The following KIF27 variants were observed in gnomAD, a reference collection of about 807,000 sequenced individuals.
KIF27 encodes kinesin-like protein KIF27.
In KIF27, 84 loss-of-function variants were observed where a neutral mutation model predicts 141.8. The observed-to-expected ratio is 0.59, with a 90% CI of 0.50 to 0.71. The LOEUF (loss-of-function observed/expected upper bound fraction) is 0.71, where lower values mean the gene tolerates loss of function less well. KIF27 is among the 30% of genes least tolerant of loss of function. The probability of loss-of-function intolerance (pLI) is 0.00; values close to 1 mark genes in which losing one functional copy is unlikely to be tolerated. For synonymous variants in KIF27, 471 were observed against 569.5 expected (o/e 0.83, Z 2.46); for missense variants, 1,306 against 1,628.4 (o/e 0.80, Z 3.41).
At chr9:83,879,707 G>T (rs1951520342) in intron 11 of KIF27, among the ~76,000 whole-genome samples, 2 of 152,076 alleles carry the variant, frequency 1.3e-5, no homozygotes, top group South Asian at 2.1e-4. Context: ...TAAAATTTTT[G>T]AGAAATTTGA....
intron 15 of KIF27, among the ~76,000 whole-genome samples, chr9:83,851,101 G>C (rs1164518516): frequency 5.3e-5 from 8 of 151,920 alleles, no homozygotes; most frequent in Non-Finnish European, 1.2e-4. Context: ...CTCCCAAAGT[G>C]CTGGGATTAC....
At chr9:83,907,096 C>G (rs540729743) in intron 3 of KIF27, among the ~76,000 whole-genome samples, 3 of 151,848 alleles carry the variant, frequency 2.0e-5, no homozygotes, top group African/African-American at 7.2e-5. Flanking sequence ...CAAGACAATC[C>G]TGGCTAACAC....
chr9:83,838,084 A>T (rs1234021107), intron 17 of KIF27, among the ~76,000 whole-genome samples: 1 of 152,220 alleles, frequency 6.6e-6, no homozygotes, highest in African/African-American at 2.4e-5. Flanking sequence ...TCAAAGCTAG[A>T]GGTTCTTAAA....
chr9:83,896,986 A>G lies in KIF27; in HGVS notation c.1602+2675T>C, dbSNP rs12237056. On this transcript the variant is annotated intron_variant, in intron 5 of 17. Coordinates refer to ENST00000297814, the MANE Select transcript of KIF27 (RefSeq NM_017576.4). ...ATTTTCATTTTGGGTTGATAAAAAT[A>G]TTCTAAAATTAGATGGTGTGATGGT... Among the ~76,000 whole-genome samples, 1,211 of 152,298 alleles carry G rather than the reference A, an allele frequency of 8.0e-3. 31 individuals are homozygous for G. The highest frequency in any genetic ancestry group is 0.037 in the East Asian group (191 of 5,188).
At chr9:83,916,952 C>T (rs1374810176) in intron 1 of KIF27, among the ~76,000 whole-genome samples, 5 of 151,814 alleles carry the variant, frequency 3.3e-5, no homozygotes, top group Admixed American at 2.0e-4. Context: ...CGTGAGCCAC[C>T]GCGCACGACA....
Position 83,903,138 on chromosome 9 carries a change from G to T in KIF27, c.1380C>A (p.Ile460=), listed in dbSNP as rs375423464. ...RKAVLTSFRG[I]GGTASLEEGP... ...CTTCTTCCAGACTTGCAGTGCCTCCGATTCCTCGAAATGAGGTGAGGACAG... is the reference window on the plus strand; with the variant it reads ...CTTCTTCCAGACTTGCAGTGCCTCCTATTCCTCGAAATGAGGTGAGGACAG... The change falls in exon 4 of 18, where the codon ATC becomes ATA. Residue 460 remains isoleucine, a synonymous_variant. Transcript: ENST00000297814. 6.2e-7 allele frequency: 1 copy of T among 1,614,102 alleles called. No individual in the cohort carries two copies. Among genetic ancestry groups the T allele is most frequent in the African/African-American group, 1.3e-5 (1 of 75,022 alleles).
In KIF27 at chr9:83,908,380, C is replaced by T. The variant is rs141383657; in HGVS notation, c.499+72G>A. 1,476 of 799,318 alleles carry T rather than the reference C, an allele frequency of 1.8e-3. 5 individuals are homozygous for T. Among genetic ancestry groups the T allele is most frequent in the Non-Finnish European group, 2.5e-3 (1,325 of 522,912 alleles). 49.5% of individuals were successfully genotyped at this position (799,318 alleles called of 1,614,324 possible). On this transcript the variant is annotated intron_variant, in intron 3 of 17. Transcript: ENST00000297814. Reference sequence around the variant, plus strand: ...TTTTAAAGATTCCTTGGAATATATCCAGAAACTTAATTAAAGCATTAAAGC... The same window carrying T: ...TTTTAAAGATTCCTTGGAATATATCTAGAAACTTAATTAAAGCATTAAAGC...
chr9:83,867,400 A>T (rs1950455488), intron 13 of KIF27, among the ~76,000 whole-genome samples: 1 of 151,928 alleles, frequency 6.6e-6, no homozygotes, highest in Non-Finnish European at 1.5e-5. Flanking sequence ...CTATCTATCC[A>T]TCCATCCATC....
chr9:83,901,780 G>A (rs1434987954), intron 4 of KIF27, among the ~76,000 whole-genome samples: 2 of 152,130 alleles, frequency 1.3e-5, no homozygotes, highest in East Asian at 1.9e-4. Flanking sequence ...GGCTGAGGCA[G>A]GAGAATTGCT....
chr9:83,903,421 A>G lies in KIF27; in HGVS notation c.1097T>C (p.Leu366Pro). The G allele has an allele frequency of 6.2e-7, 1 of 1,614,042 alleles. No homozygotes were observed. The highest frequency in any genetic ancestry group is 1.3e-5 in the African/African-American group (1 of 75,048). Reference sequence around the variant, plus strand: ...CTGCTGGCTTTGCAAAGCTTCTCGAAGCAATTTAATCTCAAATTCCATTTC... The same window carrying G: ...CTGCTGGCTTTGCAAAGCTTCTCGAGGCAATTTAATCTCAAATTCCATTTC... ...IDEMEFEIKL[L>P]REALQSQQAG... The change falls in exon 4 of 18, where the codon CTT (leucine) becomes CCT (proline). Residue 366 changes from leucine (L) to proline (P), a missense_variant. By Grantham distance (98) the Leu-to-Pro change is moderately conservative (BLOSUM62 -3). This residue lies in a region of KIF27 where 533 missense variants were observed against 565.6 expected (regional missense o/e 0.94). Transcript: ENST00000297814.
At chr9:83,899,615 T>A in intron 5 of KIF27, 46 bp downstream of exon 5, 1 of 1,468,280 alleles carries the variant, frequency 6.8e-7, no homozygotes, top group Non-Finnish European at 9.5e-7. Context: ...TTTAGTTAGG[T>A]ACTATTTCAA....
chr9:83,846,888 G>A lies in KIF27; in HGVS notation c.3556+3211C>T, dbSNP rs185045839. Among the ~76,000 whole-genome samples the A allele has an allele frequency of 7.5e-3, 1,146 of 152,294 alleles. 6 individuals are homozygous for A. The highest frequency in any genetic ancestry group is 0.012 in the Non-Finnish European group (800 of 68,022). On this transcript the variant is annotated intron_variant, in intron 16 of 17. Coordinates refer to ENST00000297814, the MANE Select transcript of KIF27 (RefSeq NM_017576.4). ...ACCTACCGTTAAGTCAGCAGGCTAC[G>A]AAGGGAGTTACAGTGTTGGCTGGGG...
intron 3 of KIF27, among the ~76,000 whole-genome samples, chr9:83,906,431 T>A (rs928766473): frequency 6.6e-6 from 1 of 151,944 alleles, no homozygotes; most frequent in Non-Finnish European, 1.5e-5. Context: ...TAAATATGGT[T>A]TTTAGGGGAA....
rs557455271 is a variant in KIF27, at chr9:83,853,363, T to C, written c.3357+266A>G. Among the ~76,000 whole-genome samples, 1,332 of 152,190 alleles carry C rather than the reference T, an allele frequency of 8.8e-3. 20 individuals are homozygous for C. Among genetic ancestry groups the C allele is most frequent in the African/African-American group, 0.031 (1,290 of 41,498 alleles). ...GAGCAAGGAATATAACTTAAATTCT[T>C]TGGTTTTAAAAACTTTCAAAAAGGA... On this transcript the variant is annotated intron_variant, in intron 15 of 17. Transcript: ENST00000297814.
At chr9:83,852,462 A>G (rs1442708305) in intron 15 of KIF27, among the ~76,000 whole-genome samples, 4 of 151,854 alleles carry the variant, frequency 2.6e-5, no homozygotes, top group African/African-American at 9.7e-5. Context: ...CAAAAAAAAA[A>G]AAAAAAGTTA....
At chr9:83,892,534 G>A (rs1952784355) in intron 5 of KIF27, among the ~76,000 whole-genome samples, 1 of 151,708 alleles carries the variant, frequency 6.6e-6, no homozygotes, top group African/African-American at 2.4e-5. Context: ...AGAGGAGGAA[G>A]GATAAATAAA....
chr9:83,887,878 G>T (rs2780174), intron 8 of KIF27, among the ~76,000 whole-genome samples: 1 of 151,906 alleles, frequency 6.6e-6, no homozygotes, highest in East Asian at 1.9e-4. Flanking sequence ...CCACGTATAG[G>T]TTCTTAAAGA....
At chr9:83,904,997 C>T (rs2132610918) in intron 3 of KIF27, among the ~76,000 whole-genome samples, 1 of 151,492 alleles carries the variant, frequency 6.6e-6, no homozygotes, top group African/African-American at 2.4e-5. Flanking sequence ...TAAAAGAAAA[C>T]ACTTTGAACA....
intron 8 of KIF27, among the ~76,000 whole-genome samples, chr9:83,887,823 T>C (rs1003221690): frequency 6.6e-6 from 1 of 152,002 alleles, no homozygotes; most frequent in Admixed American, 6.6e-5. Context: ...TATTTCCACA[T>C]TTTGAAATTT....
Sources: allele counts gnomAD v4.1 joint callset (sites outside exome capture counted in the v4.1 genomes callset), GRCh38; gene constraint gnomAD v4.1.1; regional missense constraint gnomAD v4.1.1; transcripts MANE v1.5; gene names NCBI Gene and HGNC (gene_info 2026-07-23, HGNC 2026-07-21).